ATXN1: variants seen among roughly 807,000 people sequenced by gnomAD.
ATXN1 encodes the protein ataxin-1.
In ATXN1, 8 loss-of-function variants were observed where a neutral mutation model predicts 56.4. The observed-to-expected ratio is 0.14, with a 90% CI of 0.08 to 0.26. ATXN1 has a LOEUF of 0.26. Among genes scored for constraint, ATXN1 ranks in the 10% least tolerant of loss-of-function variants. The pLI is 1.00. For synonymous variants in ATXN1, 514 were observed against 494.6 expected (o/e 1.04, Z -0.52); for missense variants, 987 against 1,106.5 (o/e 0.89, Z 1.53).
At chr6:16,317,616 C>T (rs761421011) in intron 7 of ATXN1, among the ~76,000 whole-genome samples, 7 of 152,090 alleles carry the variant, frequency 4.6e-5, no homozygotes, top group East Asian at 3.9e-4. Context: ...TGAGCCACCG[C>T]GCCCAGGGAT....
intron 2 of ATXN1, among the ~76,000 whole-genome samples, chr6:16,722,951 G>C (rs1561822653): frequency 6.6e-6 from 1 of 152,154 alleles, no homozygotes; most frequent in Non-Finnish European, 1.5e-5. Context: ...CGCAAATACA[G>C]AAGTATTTTC....
At chr6:16,608,356 A>C (rs187293561) in intron 3 of ATXN1, among the ~76,000 whole-genome samples, 120 of 152,352 alleles carry the variant, frequency 7.9e-4, no homozygotes, top group Admixed American at 2.0e-3. Flanking sequence ...TTCTGGGTTC[A>C]TTAAGCCTAT....
At chr6:16,554,515 G>A (rs1221134623) in intron 4 of ATXN1, among the ~76,000 whole-genome samples, 3 of 152,144 alleles carry the variant, frequency 2.0e-5, no homozygotes, top group Admixed American at 6.5e-5. Flanking sequence ...GCAATGGTGC[G>A]GTCTTGGCTC....
chr6:16,693,436 T>C (rs1759091402), intron 2 of ATXN1, among the ~76,000 whole-genome samples: 1 of 152,154 alleles, frequency 6.6e-6, no homozygotes, highest in African/African-American at 2.4e-5. Context: ...AAAAGTGCTA[T>C]ATATACCATG....
chr6:16,480,154 CAA>C (rs60209783), intron 6 of ATXN1, among the ~76,000 whole-genome samples: 4 of 79,102 alleles, frequency 5.1e-5, no homozygotes, highest in South Asian at 3.7e-4. Flanking sequence ...ACTTCATCTG[CAA>C]AAAAAAAAAA....
intron 6 of ATXN1, among the ~76,000 whole-genome samples, chr6:16,381,473 G>A (rs1464155374): frequency 6.6e-6 from 1 of 152,204 alleles, no homozygotes; most frequent in African/African-American, 2.4e-5. Context: ...AGGCCCCCCA[G>A]CTGTGAGACA....
At chr6:16,575,150 G>A (rs376006117) in intron 4 of ATXN1, among the ~76,000 whole-genome samples, 70 of 152,174 alleles carry the variant, frequency 4.6e-4, no homozygotes, top group African/African-American at 1.6e-3. Flanking sequence ...ATTCTTCACC[G>A]TAAACTTTTA....
At chr6:16,519,773 A>T (rs577706968) in intron 5 of ATXN1, among the ~76,000 whole-genome samples, 38 of 152,226 alleles carry the variant, frequency 2.5e-4, no homozygotes, top group Non-Finnish European at 4.7e-4. Context: ...AACCCTGCTG[A>T]CCCATTCAGA....
intron 6 of ATXN1, among the ~76,000 whole-genome samples, chr6:16,462,325 A>G (rs1483900185): frequency 6.6e-6 from 1 of 152,226 alleles, no homozygotes; most frequent in African/African-American, 2.4e-5. Context: ...AAGATCAGCC[A>G]GACCAGCCTC....
At chr6:16,601,592 T>A (rs1762912371) in intron 3 of ATXN1, among the ~76,000 whole-genome samples, 1 of 152,194 alleles carries the variant, frequency 6.6e-6, no homozygotes, top group Non-Finnish European at 1.5e-5. Context: ...GGCTCACGCC[T>A]GTAATCCCAG....
At chr6:16,553,749 C>T (rs368367853) in intron 4 of ATXN1, among the ~76,000 whole-genome samples, 14 of 152,176 alleles carry the variant, frequency 9.2e-5, no homozygotes, top group African/African-American at 2.9e-4. Context: ...CCCATGGCCA[C>T]AGCTATTGCC....
intron 2 of ATXN1, among the ~76,000 whole-genome samples, chr6:16,699,892 T>A (rs1180516947): frequency 6.6e-6 from 1 of 152,084 alleles, no homozygotes; most frequent in Non-Finnish European, 1.5e-5. Context: ...AATTTCCCAG[T>A]AGGAAGCAAC....
intron 2 of ATXN1, among the ~76,000 whole-genome samples, chr6:16,734,513 T>C (rs1760067961): frequency 6.6e-6 from 1 of 152,152 alleles, no homozygotes; most frequent in Non-Finnish European, 1.5e-5. Flanking sequence ...GAAAAATATA[T>C]GTATACTTTT....
chr6:16,403,643 G>A (rs1184722392), intron 6 of ATXN1, among the ~76,000 whole-genome samples: 2 of 152,142 alleles, frequency 1.3e-5, no homozygotes, highest in East Asian at 1.9e-4. Context: ...GAGCCATGGC[G>A]CCCGGCCCTA....
intron 1 of ATXN1, among the ~76,000 whole-genome samples, chr6:16,758,608 C>T (rs1760959878): frequency 6.6e-6 from 1 of 152,202 alleles, no homozygotes. Context: ...AAATGCTGTG[C>T]ATAAAACACT....
chr6:16,326,975 C>G lies in ATXN1; in HGVS notation c.1336G>C (p.Val446Leu), dbSNP rs1218495552. The change falls in exon 7 of 8, where the codon GTG (valine) becomes CTG (leucine). Residue 446 changes from valine (V) to leucine (L), a missense_variant. Val to Leu is a conservative substitution (Grantham distance 32). Transcript: ENST00000436367. The surrounding 1 kb of genome is among the most constrained non-coding windows in gnomAD (Gnocchi z 6.6). ...TAGAAGGCCGTGGCTGGCAGTCCCA[C>G]CGGGAGTGGCTCTGAAGCACTGTGT... ...TTHSASEPLP[V>L]GLPATAFYAG... 4 of 1,614,162 alleles carry G rather than the reference C, an allele frequency of 2.5e-6. No homozygotes were observed. The highest frequency in any genetic ancestry group is 2.5e-6 in the Non-Finnish European group (3 of 1,180,028).
chr6:16,633,095 T>G (rs1400462006), intron 3 of ATXN1, among the ~76,000 whole-genome samples: 1 of 152,124 alleles, frequency 6.6e-6, no homozygotes, highest in Non-Finnish European at 1.5e-5. Context: ...GGAAAATAGA[T>G]GAGAAACATA....
intron 6 of ATXN1, among the ~76,000 whole-genome samples, chr6:16,356,109 A>G (rs565423134): frequency 1.2e-4 from 18 of 152,348 alleles, no homozygotes; most frequent in African/African-American, 3.8e-4. Context: ...ACATCTGTGA[A>G]GTTTAGCAAA....
intron 3 of ATXN1, among the ~76,000 whole-genome samples, chr6:16,610,778 C>T (rs1763090321): frequency 6.6e-6 from 1 of 151,374 alleles, no homozygotes; most frequent in Non-Finnish European, 1.5e-5. Context: ...AATCCCAGAA[C>T]TTTGGGAGGC....
Sources: gnomAD v4.1 joint callset for allele counts (sites outside exome capture counted in the v4.1 genomes callset) on GRCh38, gnomAD v4.1.1 for gene constraint, Gnocchi (gnomAD v3.1) non-coding constraint, MANE v1.5 for transcripts, NCBI Gene and HGNC (gene_info 2026-07-23, HGNC 2026-07-21) for gene names.